The following PLEKHA4 variants were observed in gnomAD, a reference collection of about 807,000 sequenced individuals.
The protein encoded by PLEKHA4 is pleckstrin homology domain-containing family A member 4.
Under a neutral mutation model 94.7 loss-of-function variants are expected in PLEKHA4, and 73 were observed. That is an observed-to-expected ratio of 0.77 (90% CI 0.64 to 0.94). The LOEUF is 0.94. Among genes scored for constraint, PLEKHA4 ranks in the 40% least tolerant of loss-of-function variants. PLEKHA4 has a pLI of 0.00. For synonymous variants in PLEKHA4, 449 were observed against 437.1 expected (o/e 1.03, Z -0.34); for missense variants, 1,049 against 1,054.1 (o/e 1.00, Z 0.07).
intron 13 of PLEKHA4, among the ~76,000 whole-genome samples, chr19:48,849,512 T>C (rs758234999): frequency 2.0e-5 from 3 of 152,044 alleles, no homozygotes; most frequent in Non-Finnish European, 2.9e-5. Flanking sequence ...TTTCACCATG[T>C]TCGTCAGATT....
rs567015009 is a variant in PLEKHA4 at position 48,849,205 on chromosome 19, A to G, written c.1426-1165T>C. On this transcript the variant is annotated intron_variant, in intron 13 of 19. Coordinates refer to ENST00000263265, the MANE Select transcript of PLEKHA4 (RefSeq NM_020904.3). Reference sequence around the variant, plus strand: ...ACAGGTGTGAGCCACTGCAGCTGGCATGGGTCTGTTCTTGCCAAGTCTGGA... The same window carrying G: ...ACAGGTGTGAGCCACTGCAGCTGGCGTGGGTCTGTTCTTGCCAAGTCTGGA... Among the ~76,000 whole-genome samples the G allele has an allele frequency of 1.3e-4, 19 of 151,202 alleles. No homozygotes were observed. The South Asian group carries it at 4.0e-3, about 32-fold the overall frequency.
At chr19:48,845,156 A>G in intron 16 of PLEKHA4, 1 of 513,272 alleles carries the variant, frequency 1.9e-6, no homozygotes, top group Non-Finnish European at 3.5e-6. Context: ...ATTTTAGAGA[A>G]GAAAAAATGA....
chr19:48,855,874 G>C (rs2036386358), intron 9 of PLEKHA4, among the ~76,000 whole-genome samples: 1 of 151,564 alleles, frequency 6.6e-6, no homozygotes, highest in Admixed American at 6.6e-5. Flanking sequence ...ACAAAAAGTA[G>C]AAAAAGTTAG....
chr19:48,841,102 G>A, intron 17 of PLEKHA4, 47 bp downstream of exon 17: 1 of 1,552,222 alleles, frequency 6.4e-7, no homozygotes, highest in Non-Finnish European at 8.8e-7. Flanking sequence ...TAGGCGAAGA[G>A]GACCTACTAC....
chr19:48,862,968 A>C (rs1282111961), intron 3 of PLEKHA4, among the ~76,000 whole-genome samples: 1 of 152,212 alleles, frequency 6.6e-6, no homozygotes, highest in Non-Finnish European at 1.5e-5. Context: ...ACTTAGTCCA[A>C]TTATTCTGGA....
rs533703063 is a variant in PLEKHA4 at position 48,843,422 on chromosome 19, G to A, written c.1743+1948C>T. The stretch of plus-strand genomic sequence containing the variant: ...TTTCGAACTCCTGACCTTGTGATCC[G>A]CCTACCTTGGCCTCCCAAAGTGCTG... On this transcript the variant is annotated intron_variant, in intron 16 of 19. Coordinates refer to ENST00000263265, the MANE Select transcript of PLEKHA4 (RefSeq NM_020904.3). 4.6e-5 allele frequency among the ~76,000 whole-genome samples: 7 copies of A among 151,454 alleles called. No individual in the cohort carries two copies. In the East Asian group the frequency reaches 1.2e-3, roughly 25 times the overall value.
intron 9 of PLEKHA4, among the ~76,000 whole-genome samples, chr19:48,854,926 G>A (rs1311332618): frequency 1.3e-5 from 2 of 151,060 alleles, no homozygotes; most frequent in Admixed American, 6.6e-5. Flanking sequence ...GACCAGTCTT[G>A]AACTCCTGAT....
intron 6 of PLEKHA4, chr19:48,860,068 C>A: frequency 7.1e-6 from 4 of 567,096 alleles, no homozygotes; most frequent in Non-Finnish European, 9.3e-6. Context: ...AGGAGCCAAT[C>A]AGAGAGTGTG....
intron 13 of PLEKHA4, among the ~76,000 whole-genome samples, chr19:48,850,596 T>A (rs537852508): frequency 3.0e-4 from 46 of 152,020 alleles, no homozygotes; most frequent in Non-Finnish European, 5.6e-4. Context: ...GGCGGGTGGA[T>A]CACCTGAGGT....
At chr19:48,845,767 C>T (rs62127973) in intron 14 of PLEKHA4, 151 bp from the exon 15 acceptor site, 86 of 594,062 alleles carry the variant, frequency 1.4e-4, no homozygotes, top group East Asian at 5.1e-4. Context: ...GTAATCCCAG[C>T]GCTTTGGGAG....
intron 14 of PLEKHA4, 147 bp downstream of exon 14, chr19:48,847,753 G>A (rs2036021614): frequency 1.1e-6 from 1 of 950,822 alleles, no homozygotes; most frequent in Non-Finnish European, 1.4e-6. Context: ...CGAAAAAAAA[G>A]AAAACAAAGG....
In PLEKHA4 at chr19:48,852,341, A is replaced by AG; in HGVS notation, c.1327-16dup. On this transcript the variant is annotated splice_polypyrimidine_tract_variant and intron_variant, in intron 12 of 19. Transcript: ENST00000263265. ...CTCTCTCGCTCCTCAGGTTGCATAA[A>AG]GGGGGAGACATAGGTTAGGTCCCTC... 1 of 1,601,540 alleles carries AG rather than the reference A, an allele frequency of 6.2e-7. No homozygotes were observed. Among genetic ancestry groups the AG allele is most frequent in the Non-Finnish European group, 8.6e-7 (1 of 1,168,616 alleles).
rs2035921901 is a variant in PLEKHA4, at chr19:48,845,263, T to C, written c.1743+107A>G. The stretch of plus-strand genomic sequence containing the variant: ...AATGCTCTTAACAAGCAGTGCTCTC[T>C]CTGCTCTGAGTATGGCCTTAGAACG... On this transcript the variant is annotated intron_variant, in intron 16 of 19. Transcript: ENST00000263265. The C allele has an allele frequency of 6.6e-6, 7 of 1,054,818 alleles. No homozygotes were observed. In the Admixed American group the frequency reaches 1.4e-4, roughly 22 times the overall value. The allele number at this position is 1,054,818 out of a possible 1,614,324, so 65.3% of individuals were successfully genotyped here. A position where few individuals can be genotyped will look rare whatever the true frequency, so the allele number is the denominator to read the frequency against.
intron 12 of PLEKHA4, among the ~76,000 whole-genome samples, chr19:48,853,245 T>G (rs892805432): frequency 3.9e-5 from 6 of 152,204 alleles, no homozygotes; most frequent in Non-Finnish European, 7.4e-5. Flanking sequence ...TCAGAGTTAC[T>G]TAAGGCCGGG....
At chr19:48,865,675 G>A in intron 2 of PLEKHA4, 65 bp from the exon 3 acceptor site, 2 of 1,135,618 alleles carry the variant, frequency 1.8e-6, no homozygotes, top group South Asian at 1.3e-5. Context: ...GGGGGTGAGG[G>A]TGGACACAGG....
Position 48,848,107 on chromosome 19 carries a change from C to T in PLEKHA4, c.1426-67G>A, listed in dbSNP as rs998552658. On this transcript the variant is annotated intron_variant, in intron 13 of 19. Transcript: ENST00000263265. ...CGCAGGAGGGTTTCAGCTAATAGGC[C>T]CCTGCAAAGGTCTGAAATCAGCTGG... The T allele has an allele frequency of 3.3e-6, 5 of 1,502,118 alleles. No individual in the cohort carries two copies. The African/African-American group carries it at 6.9e-5, about 21-fold the overall frequency. The allele number at this position is 1,502,118 out of a possible 1,614,324, so 93.0% of individuals were successfully genotyped here.
intron 14 of PLEKHA4, among the ~76,000 whole-genome samples, chr19:48,846,599 T>C (rs920862745): frequency 3.3e-5 from 5 of 151,344 alleles, no homozygotes; most frequent in Non-Finnish European, 5.9e-5. Context: ...AGACCCCGTC[T>C]CTACAAAAAA....
chr19:48,860,020 C>G (rs2036574570), intron 6 of PLEKHA4: 2 of 557,938 alleles, frequency 3.6e-6, no homozygotes, highest in South Asian at 4.7e-5. Context: ...CTATCTTTTA[C>G]CTGGCATTGT....
intron 17 of PLEKHA4, among the ~76,000 whole-genome samples, chr19:48,840,424 CTTTT>C (rs113285383): frequency 1.5e-5 from 2 of 130,856 alleles, no homozygotes; most frequent in Admixed American, 7.9e-5. Flanking sequence ...AAGAAAACAT[CTTTT>C]TTTTTTTTTT....
Sources: allele counts gnomAD v4.1 joint callset (sites outside exome capture counted in the v4.1 genomes callset), GRCh38; gene constraint gnomAD v4.1.1; transcripts MANE v1.5; gene names NCBI Gene and HGNC (gene_info 2026-07-23, HGNC 2026-07-21).